PARP8: variants seen among roughly 807,000 people sequenced by gnomAD.
PARP8 encodes the protein protein mono-ADP-ribosyltransferase PARP8.
A neutral mutation model predicts 124.1 loss-of-function variants in PARP8; 51 were observed. That is an observed-to-expected ratio of 0.41 (90% CI 0.33 to 0.52). The LOEUF is 0.52. Among genes scored for constraint, PARP8 ranks in the 20% least tolerant of loss-of-function variants. PARP8 has a pLI of 0.21. For synonymous variants in PARP8, 391 were observed against 361.5 expected (o/e 1.08, Z -0.93); for missense variants, 860 against 1,018.9 (o/e 0.84, Z 2.12).
intron 7 of PARP8, among the ~76,000 whole-genome samples, chr5:50,765,027 C>G (rs972831522): frequency 6.6e-6 from 1 of 151,458 alleles, no homozygotes; most frequent in African/African-American, 2.4e-5. Context: ...TTTGGGAGGC[C>G]GAGGAGGGCA....
chr5:50,821,297 G>A lies in PARP8; in HGVS notation c.1753G>A (p.Val585Ile). The A allele has an allele frequency of 6.2e-7, 1 of 1,614,042 alleles. No homozygotes were observed. Among genetic ancestry groups the A allele is most frequent in the South Asian group, 1.1e-5 (1 of 91,078 alleles). Residue 585 changes from valine (V) to isoleucine (I), a missense_variant, in exon 16 of 26, where the codon GTA becomes ATA. By Grantham distance (29) the Val-to-Ile change is conservative. Coordinates refer to ENST00000281631, the MANE Select transcript of PARP8 (RefSeq NM_024615.4). ...GATTTTCGAGCCATATCCTTCTGTG[G>A]TAGATCCTAATGATCCTCAGATGTT... Reference protein sequence around the residue: ...VVIFEPYPSVVDPNDPQMLAF... With the variant: ...VVIFEPYPSVIDPNDPQMLAF...
At chr5:50,837,872 T>G (rs1362810757) in intron 25 of PARP8, among the ~76,000 whole-genome samples, 1 of 151,980 alleles carries the variant, frequency 6.6e-6, no homozygotes, top group Non-Finnish European at 1.5e-5. Context: ...TAATTAAATA[T>G]AAGTGCTCCA....
At chr5:50,671,974 G>A (rs113613578) in intron 2 of PARP8, among the ~76,000 whole-genome samples, 2,244 of 152,146 alleles carry the variant, frequency 0.015, 59 homozygotes, top group African/African-American at 0.052. Context: ...AGGAGCTTCC[G>A]TCTAGATAAA....
At chr5:50,803,543 A>G (rs1308353530) in intron 14 of PARP8, among the ~76,000 whole-genome samples, 3 of 151,862 alleles carry the variant, frequency 2.0e-5, no homozygotes, top group African/African-American at 7.3e-5. Context: ...CCTCTTCCTT[A>G]GATTAGTTAA....
chr5:50,709,844 AGTGTGTGTGTGTGTGTGT>A (rs35238386), intron 2 of PARP8, among the ~76,000 whole-genome samples: 1 of 127,904 alleles, frequency 7.8e-6, no homozygotes, highest in African/African-American at 2.9e-5. Context: ...TTTGTACAAG[AGTGTGTGTGTGTGTGTGT>A]GTGTGTGTGT....
At chr5:50,775,868 T>A (rs1357086640) in intron 7 of PARP8, among the ~76,000 whole-genome samples, 1 of 152,212 alleles carries the variant, frequency 6.6e-6, no homozygotes, top group East Asian at 1.9e-4. Flanking sequence ...TCCTCTTTTT[T>A]AATTGGATAT....
chr5:50,839,668 C>CTG (rs71577084), intron 25 of PARP8, among the ~76,000 whole-genome samples: 2 of 132,846 alleles, frequency 1.5e-5, no homozygotes, highest in African/African-American at 5.2e-5. Flanking sequence ...CTCTTTCTTT[C>CTG]TCTCTCTCTC....
In PARP8 at chr5:50,690,784, A is replaced by G. The variant is rs559344530; in HGVS notation, c.146+22659A>G. 1.2e-3 allele frequency among the ~76,000 whole-genome samples: 179 copies of G among 152,262 alleles called. 1 individual carries two copies. The highest frequency in any genetic ancestry group is 4.1e-3 in the African/African-American group (169 of 41,548). ...TTTCCATCCCCAGCCAAACCCTCAT[A>G]TATCAGACACTACATACATGGTATA... On this transcript the variant is annotated intron_variant, in intron 2 of 25. Transcript: ENST00000281631.
At chr5:50,687,814 A>C (rs1430987681) in intron 2 of PARP8, among the ~76,000 whole-genome samples, 1 of 152,166 alleles carries the variant, frequency 6.6e-6, no homozygotes, top group African/African-American at 2.4e-5. Flanking sequence ...AACTGCCCCC[A>C]TGATTCAATT....
At chr5:50,686,091 C>T (rs1391355567) in intron 2 of PARP8, among the ~76,000 whole-genome samples, 1 of 152,182 alleles carries the variant, frequency 6.6e-6, no homozygotes, top group East Asian at 1.9e-4. Flanking sequence ...AAGTCCAGTC[C>T]AAAGTCTCAT....
At chr5:50,828,451 T>C (rs1440623898) in intron 21 of PARP8, 67 bp downstream of exon 21, 2 of 1,404,732 alleles carry the variant, frequency 1.4e-6, no homozygotes, top group African/African-American at 1.4e-5. Flanking sequence ...TAAGCAACCC[T>C]GTTGTTAGGT....
intron 2 of PARP8, among the ~76,000 whole-genome samples, chr5:50,669,741 G>T (rs1749784301): frequency 6.6e-6 from 1 of 152,168 alleles, no homozygotes; most frequent in Admixed American, 6.5e-5. Context: ...TTTCACCATA[G>T]GAAGAAGTAC....
intron 2 of PARP8, among the ~76,000 whole-genome samples, chr5:50,682,497 TATG>T (rs1398934653): frequency 6.6e-6 from 1 of 152,140 alleles, no homozygotes; most frequent in Non-Finnish European, 1.5e-5. Flanking sequence ...TGGTATTCAA[TATG>T]ATAACTACCT....
intron 10 of PARP8, 135 bp downstream of exon 10, chr5:50,788,724 C>A: frequency 1.4e-6 from 1 of 707,722 alleles, no homozygotes; most frequent in Non-Finnish European, 2.4e-6. Flanking sequence ...AGGAAATCAT[C>A]ATGATGCTAA....
chr5:50,729,577 G>A (rs1241717809), intron 2 of PARP8, among the ~76,000 whole-genome samples: 1 of 152,124 alleles, frequency 6.6e-6, no homozygotes, highest in African/African-American at 2.4e-5. Context: ...GTAACTCTAG[G>A]TCTGTGAGTG....
chr5:50,713,856 C>A (rs1345418080), intron 2 of PARP8, among the ~76,000 whole-genome samples: 1 of 151,874 alleles, frequency 6.6e-6, no homozygotes, highest in Non-Finnish European at 1.5e-5. Flanking sequence ...TGCAGCCTAG[C>A]AAGATGGAAG....
At position 50,825,051 on chromosome 5, in the gene PARP8, A is replaced by T. The variant is rs149075335; in HGVS notation, c.1928+76A>T. The T allele has an allele frequency of 5.2e-3, 6,182 of 1,196,280 alleles. 84 individuals carry two copies. The highest frequency in any genetic ancestry group is 0.026 in the South Asian group (2,065 of 78,710). The allele number at this position is 1,196,280 out of a possible 1,614,324, so 74.1% of individuals were successfully genotyped here. ...CTTGATTTAAGGAAAAAAACCAAAC[A>T]AACAAAAGTAAACCTGTCTTACAAG... is the stretch of plus-strand genomic sequence containing the variant. On this transcript the variant is annotated intron_variant, in intron 18 of 25. Coordinates refer to ENST00000281631, the MANE Select transcript of PARP8 (RefSeq NM_024615.4).
chr5:50,783,381 A>C (rs1740886833), intron 9 of PARP8, among the ~76,000 whole-genome samples: 2 of 152,178 alleles, frequency 1.3e-5, no homozygotes, highest in African/African-American at 4.8e-5. Context: ...TGGACTTGAG[A>C]GCAAACAAAA....
At chr5:50,771,617 A>G (rs374196345) in intron 7 of PARP8, among the ~76,000 whole-genome samples, 14 of 152,188 alleles carry the variant, frequency 9.2e-5, no homozygotes, top group Non-Finnish European at 1.6e-4. Context: ...AATCAGTACA[A>G]ATTTCTTCTC....
Sources: gnomAD v4.1 joint callset for allele counts (sites outside exome capture counted in the v4.1 genomes callset) on GRCh38, gnomAD v4.1.1 for gene constraint, MANE v1.5 for transcripts, NCBI Gene and HGNC (gene_info 2026-07-23, HGNC 2026-07-21) for gene names.